KCNIP4: variants seen among roughly 807,000 people sequenced by gnomAD.
KCNIP4 encodes the protein Kv channel-interacting protein 4.
Under a neutral mutation model 34.0 loss-of-function variants are expected in KCNIP4, and 12 were observed. That is an observed-to-expected ratio of 0.35 (90% CI 0.23 to 0.57). KCNIP4 has a LOEUF of 0.57. Among genes scored for constraint, KCNIP4 ranks in the 20% least tolerant of loss-of-function variants. KCNIP4 has a pLI of 0.83. For missense variants in KCNIP4, 238 were observed against 311.7 expected, an observed-to-expected ratio of 0.76 and a Z score of 1.78; for synonymous variants, 124 against 102.2, an observed-to-expected ratio of 1.21 and a Z score of -1.29.
chr4:20,864,379 TTATA>T (rs943822781), intron 2 of KCNIP4, among the ~76,000 whole-genome samples: 12 of 151,000 alleles, frequency 7.9e-5, no homozygotes, highest in South Asian at 2.1e-4. Context: ...GTTATACATT[TTATA>T]TATACATGTT....
intron 1 of KCNIP4, among the ~76,000 whole-genome samples, chr4:21,380,532 G>A (rs1444760359): frequency 1.3e-5 from 2 of 151,692 alleles, no homozygotes; most frequent in Non-Finnish European, 2.9e-5. Context: ...TTAAGGTCAA[G>A]TATAGATCAC....
intron 1 of KCNIP4, among the ~76,000 whole-genome samples, chr4:21,425,657 T>C (rs1474617526): frequency 6.6e-6 from 1 of 152,130 alleles, no homozygotes; most frequent in South Asian, 2.1e-4. Flanking sequence ...CTATAATTCT[T>C]TCAGAAGTTA....
Position 20,893,863 on chromosome 4 carries a change from C to G in KCNIP4, c.62-11154G>C, listed in dbSNP as rs559131459. Among the ~76,000 whole-genome samples the G allele has an allele frequency of 3.0e-4, 45 of 152,156 alleles. No homozygotes were observed. In the South Asian group the frequency reaches 6.8e-3, roughly 23 times the overall value. ...CTTTTCCGCAAGCTAACACAAATAACTCTTATTTATTTTTATATTTTTTAA... is the reference window on the plus strand; with the variant it reads ...CTTTTCCGCAAGCTAACACAAATAAGTCTTATTTATTTTTATATTTTTTAA... On this transcript the variant is annotated intron_variant, in intron 1 of 8. Transcript: ENST00000382152.
intron 1 of KCNIP4, among the ~76,000 whole-genome samples, chr4:21,823,043 G>T (rs1722458814): frequency 6.6e-6 from 1 of 152,074 alleles, no homozygotes; most frequent in Admixed American, 6.6e-5. Flanking sequence ...TTTGGCCAAA[G>T]AGCTAAACTT....
At chr4:21,195,093 C>G (rs992326184) in intron 1 of KCNIP4, among the ~76,000 whole-genome samples, 1 of 152,184 alleles carries the variant, frequency 6.6e-6, no homozygotes, top group African/African-American at 2.4e-5. Flanking sequence ...CTGGGAATCA[C>G]ATGACCCTAC....
chr4:21,438,123 G>T (rs753357519), intron 1 of KCNIP4, among the ~76,000 whole-genome samples: 2 of 152,038 alleles, frequency 1.3e-5, no homozygotes, highest in South Asian at 2.1e-4. Context: ...CAAAGTTTCT[G>T]TCTTATAAAT....
intron 1 of KCNIP4, among the ~76,000 whole-genome samples, chr4:21,250,930 AATATAC>A (rs1205701080): frequency 9.3e-5 from 14 of 151,038 alleles, no homozygotes; most frequent in Non-Finnish European, 1.9e-4. Context: ...CATATATTTA[AATATAC>A]ATATACAAAT....
At chr4:21,438,648 C>A (rs1228119406) in intron 1 of KCNIP4, among the ~76,000 whole-genome samples, 1 of 151,976 alleles carries the variant, frequency 6.6e-6, no homozygotes, top group Non-Finnish European at 1.5e-5. Flanking sequence ...AGACTATTAA[C>A]AGAATACCAG....
intron 1 of KCNIP4, among the ~76,000 whole-genome samples, chr4:21,853,339 G>A (rs534808312): frequency 3.0e-4 from 45 of 152,220 alleles, no homozygotes; most frequent in Admixed American, 5.9e-4. Flanking sequence ...GCAAAACACC[G>A]GTCTGGGAAA....
intron 1 of KCNIP4, among the ~76,000 whole-genome samples, chr4:21,605,504 G>A (rs1213765179): frequency 3.3e-5 from 5 of 151,468 alleles, no homozygotes; most frequent in African/African-American, 7.3e-5. Flanking sequence ...TTTTTGAGAC[G>A]GAGTCTCACT....
chr4:20,879,121 G>A (rs1388321), intron 2 of KCNIP4, among the ~76,000 whole-genome samples: 42,724 of 151,948 alleles, frequency 0.28, 7,013 homozygotes, highest in Admixed American at 0.43. Context: ...AAAGAGCTGC[G>A]GGCAATTGAC....
intron 1 of KCNIP4, among the ~76,000 whole-genome samples, chr4:21,216,922 T>G (rs1757627378): frequency 6.6e-6 from 1 of 152,194 alleles, no homozygotes; most frequent in Non-Finnish European, 1.5e-5. Context: ...ATCTATAGTA[T>G]CTATACTTCT....
At chr4:21,785,646 C>T (rs1460912235) in intron 1 of KCNIP4, among the ~76,000 whole-genome samples, 1 of 142,524 alleles carries the variant, frequency 7.0e-6, no homozygotes, top group Non-Finnish European at 1.5e-5. Context: ...GCTATTATCC[C>T]CAATCCTCCC....
At chr4:21,862,706 G>T (rs1333392246) in intron 1 of KCNIP4, among the ~76,000 whole-genome samples, 3 of 152,206 alleles carry the variant, frequency 2.0e-5, no homozygotes, top group Admixed American at 6.5e-5. Flanking sequence ...CAGCGTGGTG[G>T]CTCACGCCTG....
intron 1 of KCNIP4, among the ~76,000 whole-genome samples, chr4:21,446,726 C>T (rs983471843): frequency 6.6e-6 from 1 of 151,730 alleles, no homozygotes; most frequent in African/African-American, 2.4e-5. Context: ...AACAAACCTG[C>T]ACATTGTGCA....
At chr4:20,896,274 C>T (rs974913869) in intron 1 of KCNIP4, among the ~76,000 whole-genome samples, 3 of 152,064 alleles carry the variant, frequency 2.0e-5, no homozygotes, top group Admixed American at 2.0e-4. Flanking sequence ...GCTGCCTGGC[C>T]CCTGTAGGAA....
At chr4:21,073,516 T>C (rs1332248374) in intron 1 of KCNIP4, among the ~76,000 whole-genome samples, 2 of 152,264 alleles carry the variant, frequency 1.3e-5, no homozygotes, top group Non-Finnish European at 2.9e-5. Context: ...AAGTTGCTTA[T>C]CAGCTTAAGG....
intron 1 of KCNIP4, among the ~76,000 whole-genome samples, chr4:21,593,318 G>A (rs1742372068): frequency 6.6e-6 from 1 of 152,090 alleles, no homozygotes; most frequent in African/African-American, 2.4e-5. Context: ...TAAAATTGCA[G>A]GAATTAAAAA....
chr4:21,123,025 A>G (rs1024023767), intron 1 of KCNIP4, among the ~76,000 whole-genome samples: 4 of 152,032 alleles, frequency 2.6e-5, no homozygotes, highest in Admixed American at 6.6e-5. Flanking sequence ...CCTGGCTAAC[A>G]TGGTGAAACC....
Sources: allele counts gnomAD v4.1 joint callset (sites outside exome capture counted in the v4.1 genomes callset), GRCh38; gene constraint gnomAD v4.1.1; transcripts MANE v1.5; gene names NCBI Gene and HGNC (gene_info 2026-07-23, HGNC 2026-07-21).